Variants in N4BP2 observed in about 807,000 individuals in gnomAD.
N4BP2 encodes the protein NEDD4-binding protein 2.
N4BP2 carries 91 observed loss-of-function variants against 152.8 expected under a neutral mutation model. The observed-to-expected ratio is 0.60, with a 90% confidence interval of 0.50 to 0.71. The LOEUF (loss-of-function observed/expected upper bound fraction) is 0.71, where lower values mean the gene tolerates loss of function less well. Among genes scored for constraint, N4BP2 ranks in the 30% least tolerant of loss-of-function variants. The pLI, the probability that N4BP2 is intolerant of heterozygous loss-of-function variation, is 0.00. For missense variants in N4BP2, 1,923 were observed against 2,059.1 expected (o/e 0.93, Z 1.28); for synonymous variants, 646 against 705.3 (o/e 0.92, Z 1.33).
In N4BP2 at chr4:40,158,171, T is replaced by G. The variant is rs181137329; in HGVS notation, c.*3934T>G. The G allele has an allele frequency of 5.5e-4, 84 of 152,330 alleles. No homozygotes were observed. The highest frequency in any genetic ancestry group is 1.9e-3 in the African/African-American group (81 of 41,586). The allele number at this position is 152,330 out of a possible 1,614,324, so 9.4% of individuals were successfully genotyped here. On this transcript the variant is annotated 3_prime_UTR_variant, in exon 18 of 18. Coordinates refer to ENST00000261435, the MANE Select transcript of N4BP2 (RefSeq NM_018177.6). ...AACTCTGTACTTTTTAAATTGAAAATGTTTTATAAATTTGCTTTTAAATTT... is the reference window on the plus strand; with the variant it reads ...AACTCTGTACTTTTTAAATTGAAAAGGTTTTATAAATTTGCTTTTAAATTT...
intron 2 of N4BP2, among the ~76,000 whole-genome samples, chr4:40,076,819 G>T (rs1712789453): frequency 6.6e-6 from 1 of 152,088 alleles, no homozygotes; most frequent in South Asian, 2.1e-4. Context: ...CATACTTTTG[G>T]TATCTCATGA....
intron 16 of N4BP2, among the ~76,000 whole-genome samples, 198 bp downstream of exon 16, chr4:40,144,998 A>T (rs1720378852): frequency 6.6e-6 from 1 of 152,120 alleles, no homozygotes; most frequent in Non-Finnish European, 1.5e-5. Context: ...CATTTTCTTC[A>T]TTTGTATTCC....
chr4:40,080,894 CTGATCTCG>C (rs1713297310), intron 2 of N4BP2, among the ~76,000 whole-genome samples: 2 of 150,940 alleles, frequency 1.3e-5, no homozygotes, highest in Admixed American at 1.3e-4. Context: ...TCTCGATCTC[CTGATCTCG>C]TGATCCGCCC....
chr4:40,178,734 C>A, the N4BP2 span, among the ~76,000 whole-genome samples: 1 of 152,164 alleles, frequency 6.6e-6, no homozygotes, highest in African/African-American at 2.4e-5. Flanking sequence ...TTGAGACATG[C>A]GAAATGTGTA....
Position 40,121,661 on chromosome 4 carries a change from G to A in N4BP2, c.3550G>A (p.Gly1184Ser), listed in dbSNP as rs1368276659. The A allele has an allele frequency of 1.2e-6, 2 of 1,614,094 alleles. No individual in the cohort carries two copies. The highest frequency in any genetic ancestry group is 1.7e-6 in the Non-Finnish European group (2 of 1,180,012). Residue 1184 changes from glycine to serine, a missense_variant, in exon 9 of 18, where the codon GGT becomes AGT. Coordinates refer to ENST00000261435, the MANE Select transcript of N4BP2 (RefSeq NM_018177.6). Reference sequence around the variant, plus strand: ...TGTGCCAGAGTTTAGCCATGGGATTGGTATTAGTAACGCTGACTCACAGTC... The same window carrying A: ...TGTGCCAGAGTTTAGCCATGGGATTAGTATTAGTAACGCTGACTCACAGTC... ...SPVPEFSHGI[G>S]ISNADSQSTC...
At chr4:40,072,506 C>T (rs985888872) in intron 1 of N4BP2, among the ~76,000 whole-genome samples, 3 of 151,282 alleles carry the variant, frequency 2.0e-5, no homozygotes, top group Non-Finnish European at 4.4e-5. Flanking sequence ...GGCCTCCCAA[C>T]GTGCTGGGAT....
chr4:40,145,214 G>GTT (rs374519077), intron 16 of N4BP2, among the ~76,000 whole-genome samples: 7 of 149,256 alleles, frequency 4.7e-5, no homozygotes, highest in Admixed American at 1.3e-4. Flanking sequence ...CACTCCAGTA[G>GTT]TTTTTTTGTT....
the N4BP2 span, among the ~76,000 whole-genome samples, chr4:40,190,281 T>C: frequency 1.3e-5 from 2 of 152,350 alleles, no homozygotes; most frequent in Admixed American, 6.5e-5. Context: ...AAATATTTGT[T>C]GAATGAAAGG....
chr4:40,070,934 C>A (rs1000065117), intron 1 of N4BP2, among the ~76,000 whole-genome samples: 1 of 151,524 alleles, frequency 6.6e-6, no homozygotes, highest in African/African-American at 2.4e-5. Flanking sequence ...ATGCAGTTCT[C>A]TTGCCTCAGC....
chr4:40,099,409 AT>A (rs879303380), intron 3 of N4BP2, among the ~76,000 whole-genome samples: 66 of 146,364 alleles, frequency 4.5e-4, no homozygotes, highest in Admixed American at 8.9e-4. Flanking sequence ...TGCCTGGCTA[AT>A]TTTTTTTTTT....
chr4:40,087,406 T>C (rs116495703), intron 2 of N4BP2, among the ~76,000 whole-genome samples: 3,139 of 152,184 alleles, frequency 0.021, 109 homozygotes, highest in African/African-American at 0.07. Flanking sequence ...CTCTGTCACC[T>C]AGGCTGGAGA....
At chr4:40,142,359 C>T in intron 14 of N4BP2, 1 of 307,102 alleles carries the variant, frequency 3.3e-6, no homozygotes, top group Admixed American at 4.1e-5. Context: ...GGTGGTTTTA[C>T]CTCCATTTTG....
At position 40,121,275 on chromosome 4, in the gene N4BP2, A is replaced by G. The variant is rs1243200543; in HGVS notation, c.3164A>G (p.Asn1055Ser). 6.2e-7 allele frequency: 1 copy of G among 1,613,392 alleles called. No homozygotes were observed. Among genetic ancestry groups the G allele is most frequent in the Admixed American group, 1.7e-5 (1 of 59,748 alleles). ...RLDGFKPKVF[N>S]INTKSDVQEA... ...GATGGATTTAAGCCGAAAGTTTTCAATATTAACACAAAATCAGACGTTCAA... is the reference window on the plus strand; with the variant it reads ...GATGGATTTAAGCCGAAAGTTTTCAGTATTAACACAAAATCAGACGTTCAA... Residue 1055 changes from asparagine to serine, a missense_variant, in exon 9 of 18, where the codon AAT (asparagine) becomes AGT (serine). Asn to Ser is a conservative substitution (Grantham distance 46, BLOSUM62 1). Transcript: ENST00000261435.
intron 3 of N4BP2, among the ~76,000 whole-genome samples, chr4:40,099,164 G>A (rs1224322822): frequency 1.3e-5 from 2 of 152,118 alleles, no homozygotes; most frequent in Non-Finnish European, 2.9e-5. Context: ...AATGAGGTGT[G>A]CTGACTTGTA....
chr4:40,130,790 ATTTTATTGCC>A (rs1248351825), intron 12 of N4BP2, among the ~76,000 whole-genome samples: 1 of 152,180 alleles, frequency 6.6e-6, no homozygotes, highest in Non-Finnish European at 1.5e-5. Context: ...ATTTTCAGTC[ATTTTATTGCC>A]TTTGAAACTG....
chr4:40,183,701 T>C, the N4BP2 span, among the ~76,000 whole-genome samples: 2 of 152,236 alleles, frequency 1.3e-5, no homozygotes, highest in Non-Finnish European at 2.9e-5. Context: ...TTTGTTACTA[T>C]ATCATTAGAA....
intron 2 of N4BP2, among the ~76,000 whole-genome samples, chr4:40,082,179 G>A (rs1387973287): frequency 6.6e-6 from 1 of 151,346 alleles, no homozygotes; most frequent in Non-Finnish European, 1.5e-5. Flanking sequence ...GGGAGACTAA[G>A]GCAGGGGAAT....
intron 2 of N4BP2, among the ~76,000 whole-genome samples, chr4:40,080,152 A>T (rs778706737): frequency 5.3e-5 from 8 of 152,064 alleles, no homozygotes; most frequent in Non-Finnish European, 8.8e-5. Context: ...AAGGTTGTTT[A>T]AACTAATGTA....
At chr4:40,096,633 C>A (rs1715128815) in intron 2 of N4BP2, among the ~76,000 whole-genome samples, 1 of 152,054 alleles carries the variant, frequency 6.6e-6, no homozygotes, top group Admixed American at 6.6e-5. Flanking sequence ...AGGGTGGAAA[C>A]CAAGAGATAG....
Sources: allele counts gnomAD v4.1 joint callset (sites outside exome capture counted in the v4.1 genomes callset), GRCh38; gene constraint gnomAD v4.1.1; transcripts MANE v1.5; gene names NCBI Gene and HGNC (gene_info 2026-07-23, HGNC 2026-07-21).